Variants in ERCC6L2 observed in about 807,000 individuals in gnomAD.
The protein encoded by ERCC6L2 is ERCC excision repair 6 like 2, also known as DNA excision repair protein ERCC-6-like 2.
Under a neutral mutation model 132.0 loss-of-function variants are expected in ERCC6L2, and 77 were observed. The observed-to-expected ratio is 0.58, with a 90% CI of 0.49 to 0.71. ERCC6L2 has a LOEUF of 0.71. Ranked by LOEUF, ERCC6L2 falls within the 30% of genes least tolerant of loss-of-function variation. The pLI is 0.00. For synonymous variants in ERCC6L2, 583 were observed against 632.4 expected, an observed-to-expected ratio of 0.92 and a Z score of 1.17; for missense variants, 1,542 against 1,837.6, an observed-to-expected ratio of 0.84 and a Z score of 2.94.
At chr9:95,950,690 T>A (rs541035669) in intron 12 of ERCC6L2, among the ~76,000 whole-genome samples, 1 of 152,170 alleles carries the variant, frequency 6.6e-6, no homozygotes, top group Non-Finnish European at 1.5e-5. Flanking sequence ...ACAGGAATGG[T>A]TGTATTAATG....
At chr9:95,898,148 A>G (rs1166768589) in intron 3 of ERCC6L2, among the ~76,000 whole-genome samples, 177 bp downstream of exon 3, 1 of 152,120 alleles carries the variant, frequency 6.6e-6, no homozygotes, top group Non-Finnish European at 1.5e-5. Context: ...TACCAATTTT[A>G]TTCCCAAGTT....
At chr9:95,952,242 T>G (rs190425182) in intron 12 of ERCC6L2, among the ~76,000 whole-genome samples, 92 of 147,412 alleles carry the variant, frequency 6.2e-4, no homozygotes, top group Non-Finnish European at 1.2e-3. Context: ...AAGAAACACA[T>G]TCCAATTAAT....
Position 96,017,162 on chromosome 9 carries a change from G to T in ERCC6L2, c.*3959G>T, listed in dbSNP as rs1834199066. ...GAGATTGCAAAGCATCCTCTGCCCA[G>T]TGCTTCTAGGAGGCCTTACTGGGAT... On this transcript the variant is annotated 3_prime_UTR_variant, in exon 19 of 19. Coordinates refer to ENST00000653738, the MANE Select transcript of ERCC6L2 (RefSeq NM_020207.7). 6.6e-6 allele frequency among the ~76,000 whole-genome samples: 1 copy of T among 152,120 alleles called. No homozygotes were observed. Among genetic ancestry groups the T allele is most frequent in the Admixed American group, 6.5e-5 (1 of 15,278 alleles).
At chr9:96,019,845 A>G (rs927920882), downstream of ERCC6L2, 1 of 152,258 alleles carries the variant, frequency 6.6e-6, no homozygotes, top group Non-Finnish European at 1.5e-5. Context: ...CACCTTTCTC[A>G]CAGGGTGGTG....
intron 17 of ERCC6L2, among the ~76,000 whole-genome samples, chr9:95,989,051 G>A (rs1237810910): frequency 1.3e-5 from 2 of 152,152 alleles, no homozygotes; most frequent in Non-Finnish European, 2.9e-5. Flanking sequence ...TAAGGTATGG[G>A]GGAAGAGGTG....
In ERCC6L2 at chr9:95,948,259, G is replaced by A. The variant is rs188350186; in HGVS notation, c.1847+6710G>A. Among the ~76,000 whole-genome samples, 8 of 152,292 alleles carry A rather than the reference G, an allele frequency of 5.3e-5. No individual in the cohort carries two copies. In the East Asian group the frequency reaches 1.4e-3, roughly 26 times the overall value. ...CCTCATGGATGACTTTGAGGAGTTC[G>A]ACTTTAGTAGAGGAAGTAATTCCAG... On this transcript the variant is annotated intron_variant, in intron 12 of 18. Transcript: ENST00000653738.
downstream of ERCC6L2, among the ~76,000 whole-genome samples, chr9:96,023,360 T>G (rs2133253331): frequency 6.6e-6 from 1 of 152,340 alleles, no homozygotes. Context: ...TATTCCTTTT[T>G]TATATAATGT....
Position 95,876,056 on chromosome 9 carries a change from A to G in ERCC6L2, c.18A>G (p.Pro6=), listed in dbSNP as rs899953370. ...CTGGCCGGATGGATCCGTCGGCGCCACAGCCCCGCGCGGAAACCTCAGGCA... is the reference window on the plus strand; with the variant it reads ...CTGGCCGGATGGATCCGTCGGCGCCGCAGCCCCGCGCGGAAACCTCAGGCA... The part of the protein sequence containing the change: MDPSA[P]QPRAETSGKD... The change falls in exon 1 of 19, where the codon CCA becomes CCG. Residue 6 remains proline (P), a synonymous_variant. Coordinates refer to ENST00000653738, the MANE Select transcript of ERCC6L2 (RefSeq NM_020207.7). 2 of 1,586,222 alleles carry G rather than the reference A, an allele frequency of 1.3e-6. No homozygotes were observed. The highest frequency in any genetic ancestry group is 1.3e-5 in the African/African-American group (1 of 74,184).
At chr9:95,924,949 GACTA>G in intron 9 of ERCC6L2, among the ~76,000 whole-genome samples, 1 of 152,254 alleles carries the variant, frequency 6.6e-6, no homozygotes, top group Non-Finnish European at 1.5e-5. Flanking sequence ...TAAATCATTT[GACTA>G]ACAGCATCAT....
In ERCC6L2 at chr9:95,897,948, C is replaced by T. The variant is rs1828554479; in HGVS notation, c.571C>T (p.Pro191Ser). 1 of 1,610,816 alleles carries T rather than the reference C, an allele frequency of 6.2e-7. No homozygotes were observed. Among genetic ancestry groups the T allele is most frequent in the Non-Finnish European group, 8.5e-7 (1 of 1,178,700 alleles). ...EFLLRSMKKE[P>S]LSSTAKKMFL... ...TTTACTAAGAAGTATGAAAAAGGAACCCCTTTCTTCTACAGCAAAAAAGGT... is the reference window on the plus strand; with the variant it reads ...TTTACTAAGAAGTATGAAAAAGGAATCCCTTTCTTCTACAGCAAAAAAGGT... Residue 191 changes from proline (P) to serine (S), a missense_variant, in exon 3 of 19, where the codon CCC becomes TCC. By Grantham distance (74) the Pro-to-Ser change is moderately conservative. Transcript: ENST00000653738.
rs1171644009 is a variant in ERCC6L2 at position 96,018,248 on chromosome 9, A to C, written c.*5045A>C. Among the ~76,000 whole-genome samples, 1 of 152,204 alleles carries C rather than the reference A, an allele frequency of 6.6e-6. No individual in the cohort carries two copies. The highest frequency in any genetic ancestry group is 1.5e-5 in the Non-Finnish European group (1 of 68,036). ...AAATGCTAAATTTTGTATGTGTTTTACAATTTTAAAAATGGAAAAAAAGTA... is the reference window on the plus strand; with the variant it reads ...AAATGCTAAATTTTGTATGTGTTTTCCAATTTTAAAAATGGAAAAAAAGTA... On this transcript the variant is annotated 3_prime_UTR_variant, in exon 19 of 19. Coordinates refer to ENST00000653738, the MANE Select transcript of ERCC6L2 (RefSeq NM_020207.7).
chr9:95,888,658 C>G (rs75886902), intron 2 of ERCC6L2, among the ~76,000 whole-genome samples: 19,744 of 152,066 alleles, frequency 0.13, 1,358 homozygotes, highest in South Asian at 0.24. Context: ...ATTTCCTTTG[C>G]CTTCTTAGAG....
At chr9:95,911,404 A>T (rs1417003312) in intron 4 of ERCC6L2, among the ~76,000 whole-genome samples, 1 of 152,122 alleles carries the variant, frequency 6.6e-6, no homozygotes, top group Non-Finnish European at 1.5e-5. Flanking sequence ...GTTGCCAAAT[A>T]AATGTTTTTT....
intron 4 of ERCC6L2, among the ~76,000 whole-genome samples, chr9:95,912,628 C>T (rs1829395090): frequency 6.6e-6 from 1 of 152,126 alleles, no homozygotes; most frequent in Admixed American, 6.5e-5. Context: ...ATTAAAATTT[C>T]CTCAGTTATT....
At chr9:95,943,915 A>G (rs1404103728) in intron 12 of ERCC6L2, among the ~76,000 whole-genome samples, 3 of 152,214 alleles carry the variant, frequency 2.0e-5, no homozygotes, top group Admixed American at 2.0e-4. Flanking sequence ...TGCATTGTTG[A>G]TGGAAATGTC....
chr9:95,995,323 G>A (rs1472751632), intron 17 of ERCC6L2, among the ~76,000 whole-genome samples: 2 of 152,116 alleles, frequency 1.3e-5, no homozygotes, highest in African/African-American at 4.8e-5. Flanking sequence ...AAAAGAAAAA[G>A]TATTATCAAA....
intron 11 of ERCC6L2, among the ~76,000 whole-genome samples, chr9:95,933,021 TTC>T: frequency 6.6e-6 from 1 of 152,234 alleles, no homozygotes; most frequent in Non-Finnish European, 1.5e-5. Flanking sequence ...TAGGGCCTTT[TTC>T]TTCTTCTTTA....
chr9:95,899,083 TAGAAGAG>T (rs1384059271), intron 3 of ERCC6L2, among the ~76,000 whole-genome samples: 2 of 152,052 alleles, frequency 1.3e-5, no homozygotes, highest in Admixed American at 6.6e-5. Flanking sequence ...TGACAGCAGA[TAGAAGAG>T]AGAACAAAGA....
intron 15 of ERCC6L2, 71 bp from the exon 16 acceptor site, chr9:95,971,862 G>C (rs1295853044): frequency 9.7e-7 from 1 of 1,028,098 alleles, no homozygotes; most frequent in Admixed American, 3.7e-5. Context: ...GCCCAAAGTT[G>C]AGTACTTTTC....
Sources: allele counts gnomAD v4.1 joint callset (sites outside exome capture counted in the v4.1 genomes callset), GRCh38; gene constraint gnomAD v4.1.1; transcripts MANE v1.5; gene names NCBI Gene and HGNC (gene_info 2026-07-23, HGNC 2026-07-21).